Variants in SHCBP1L observed in about 807,000 individuals in gnomAD.
The protein encoded by SHCBP1L is SHC binding and spindle associated 1 like.
Under a neutral mutation model 62.5 loss-of-function variants are expected in SHCBP1L, and 67 were observed. The ratio of observed to expected loss-of-function variants is 1.07; its 90% CI spans 0.88 to 1.31. The LOEUF is 1.31. SHCBP1L is among the 40% of genes most tolerant of loss of function. The pLI is 0.00. For synonymous variants in SHCBP1L, 284 were observed against 289.4 expected (o/e 0.98, Z 0.19); for missense variants, 823 against 809.8 (o/e 1.02, Z -0.20).
In SHCBP1L at chr1:182,903,141, A is replaced by G. The variant is rs1378747041; in HGVS notation, c.1608T>C (p.Tyr536=). 6.3e-7 allele frequency: 1 copy of G among 1,597,982 alleles called. No individual in the cohort carries two copies. The highest frequency in any genetic ancestry group is 1.1e-5 in the South Asian group (1 of 88,148). ...TTTCCAAAATAGCTATGCTTCCAGG[A>G]TACAGTTCAACACCAGCACCCTGTA... is the stretch of plus-strand genomic sequence containing the variant. The part of the protein sequence containing the change: ...TGAQGAGVEL[Y]PGSIAILERN... The change falls in exon 9 of 10, where the codon TAT becomes TAC. Residue 536 remains tyrosine (Y), a synonymous_variant. Transcript: ENST00000367547.
At chr1:182,919,574 A>G (rs1650465496) in intron 6 of SHCBP1L, among the ~76,000 whole-genome samples, 1 of 152,162 alleles carries the variant, frequency 6.6e-6, no homozygotes, top group Non-Finnish European at 1.5e-5. Flanking sequence ...AATTTCCTCA[A>G]AGTTAAAAAC....
chr1:182,940,561 A>C lies in SHCBP1L; in HGVS notation c.556-18T>G. On this transcript the variant is annotated intron_variant, in intron 2 of 9. Coordinates refer to ENST00000367547, the MANE Select transcript of SHCBP1L (RefSeq NM_030933.4). ...CAAGTTACCTAAGATAAATATCATA[A>C]GAGATAAGAGATATAGTTATAAATA... The C allele has an allele frequency of 6.3e-7, 1 of 1,594,246 alleles. No homozygotes were observed. The highest frequency in any genetic ancestry group is 8.6e-7 in the Non-Finnish European group (1 of 1,164,898).
intron 6 of SHCBP1L, among the ~76,000 whole-genome samples, chr1:182,926,247 G>A (rs2101938788): frequency 6.6e-6 from 1 of 152,266 alleles, no homozygotes; most frequent in South Asian, 2.1e-4. Context: ...ATAACTGAGA[G>A]CACACTGTCT....
chr1:182,922,951 C>T (rs917128128), intron 6 of SHCBP1L, among the ~76,000 whole-genome samples: 6 of 152,024 alleles, frequency 3.9e-5, no homozygotes, highest in African/African-American at 7.2e-5. Context: ...AAAAGATCAA[C>T]AAAACCTTTG....
In SHCBP1L at chr1:182,929,626, TAAG is replaced by T; in HGVS notation, c.1182+18_1182+20del. 6.8e-7 allele frequency: 1 copy of T among 1,462,728 alleles called. No individual in the cohort carries two copies. The allele number at this position is 1,462,728 out of a possible 1,614,324, so 90.6% of individuals were successfully genotyped here. ...ACACAGCTAATACTTAAATAACAAA[TAAG>T]AATAGTTTATTTCTTACCATTTCAG... On this transcript the variant is annotated intron_variant, in intron 6 of 9. Transcript: ENST00000367547.
At chr1:182,936,309 T>A (rs28409372) in intron 5 of SHCBP1L, among the ~76,000 whole-genome samples, 1 of 151,964 alleles carries the variant, frequency 6.6e-6, no homozygotes, top group South Asian at 2.1e-4. Context: ...CTAATTTTTT[T>A]ATTTTTAGTA....
intron 9 of SHCBP1L, among the ~76,000 whole-genome samples, chr1:182,901,484 G>A (rs1649834761): frequency 6.6e-6 from 1 of 152,076 alleles, no homozygotes; most frequent in South Asian, 2.1e-4. Flanking sequence ...AGTGCTTCAG[G>A]TGAAGGTAAC....
At chr1:182,911,636 G>A (rs781518097) in intron 6 of SHCBP1L, among the ~76,000 whole-genome samples, 5 of 152,130 alleles carry the variant, frequency 3.3e-5, no homozygotes, top group Admixed American at 6.5e-5. Context: ...GGAGAACAAT[G>A]TCTGAACAAA....
chr1:182,923,943 A>G (rs957433396), intron 6 of SHCBP1L, among the ~76,000 whole-genome samples: 2 of 152,196 alleles, frequency 1.3e-5, no homozygotes, highest in Admixed American at 6.5e-5. Flanking sequence ...GGGAAGTCAA[A>G]TTATCTCTTT....
chr1:182,942,402 T>G (rs1651398264), intron 2 of SHCBP1L: 1 of 720,624 alleles, frequency 1.4e-6, no homozygotes, highest in Admixed American at 2.0e-5. Flanking sequence ...CTCTTGGGTA[T>G]CCTGGCGGCA....
At chr1:182,926,553 A>C (rs1401407283) in intron 6 of SHCBP1L, among the ~76,000 whole-genome samples, 2 of 152,220 alleles carry the variant, frequency 1.3e-5, no homozygotes, top group Non-Finnish European at 2.9e-5. Flanking sequence ...AGATGAGGAA[A>C]TAAGAGAAAC....
chr1:182,929,590 T>C, intron 6 of SHCBP1L, 57 bp downstream of exon 6: 2 of 1,198,120 alleles, frequency 1.7e-6, no homozygotes, highest in African/African-American at 3.2e-5. Context: ...GGGAGCTTCT[T>C]TTCCGATTAT....
At chr1:182,902,061 C>CTTTTTT (rs1156301250) in intron 9 of SHCBP1L, among the ~76,000 whole-genome samples, 1 of 127,576 alleles carries the variant, frequency 7.8e-6, no homozygotes, top group Non-Finnish European at 1.7e-5. Context: ...CTTTTTTTTT[C>CTTTTTT]TTTTTTTTTT....
rs1344712194 is a variant in SHCBP1L at position 182,924,974 on chromosome 1, G to GAAAGAAA, written c.1182+4672_1182+4673insTTTCTTT. Among the ~76,000 whole-genome samples, 10 of 109,578 alleles carry GAAAGAAA rather than the reference G, an allele frequency of 9.1e-5. No individual in the cohort carries two copies. The South Asian group carries it at 1.5e-3, about 16-fold the overall frequency. The allele number at this position is 109,578 out of a possible 152,430, so 71.9% of individuals were successfully genotyped here. ...AGAAAGAAAGAAAGAAAGAAAGAAAGAAAAAAAAAGGAAGAAGGAAAGGAA... is the reference window on the plus strand; with the variant it reads ...AGAAAGAAAGAAAGAAAGAAAGAAAGAAAGAAAAAAAAAAAAGGAAGAAGGAAAGGAA... On this transcript the variant is annotated intron_variant, in intron 6 of 9. Coordinates refer to ENST00000367547, the MANE Select transcript of SHCBP1L (RefSeq NM_030933.4).
rs1650756088 is a variant in SHCBP1L at position 182,926,616 on chromosome 1, A to G, written c.1182+3031T>C. On this transcript the variant is annotated intron_variant, in intron 6 of 9. Coordinates refer to ENST00000367547, the MANE Select transcript of SHCBP1L (RefSeq NM_030933.4). ...TATTAAGAAGCAAAACTGTGAATCA[A>G]ATCCAGGTTTTTATGATCTTAAAGT... Among the ~76,000 whole-genome samples the G allele has an allele frequency of 4.6e-5, 7 of 152,244 alleles. 1 individual carries two copies. In the South Asian group the frequency reaches 1.4e-3, roughly 32 times the overall value.
rs1432793279 is a variant in SHCBP1L, at chr1:182,952,393, T to C, written c.405+336A>G. On this transcript the variant is annotated intron_variant, in intron 1 of 9. Coordinates refer to ENST00000367547, the MANE Select transcript of SHCBP1L (RefSeq NM_030933.4). ...AAGTGATCTTACTCATGTTTGGACA[T>C]AAACTGTTAAATAAAGGTACCAAGA... 13 of 238,620 alleles carry C rather than the reference T, an allele frequency of 5.4e-5. No individual in the cohort carries two copies. In the East Asian group the frequency reaches 1.0e-3, roughly 19 times the overall value. The allele number at this position is 238,620 out of a possible 1,614,324, so 14.8% of individuals were successfully genotyped here. A position where few individuals can be genotyped will look rare whatever the true frequency, so the allele number is the denominator to read the frequency against.
At chr1:182,910,207 T>G (rs919193718) in intron 6 of SHCBP1L, among the ~76,000 whole-genome samples, 4 of 152,176 alleles carry the variant, frequency 2.6e-5, no homozygotes, top group Non-Finnish European at 5.9e-5. Flanking sequence ...CTCTAGAACC[T>G]AAATCAAACA....
chr1:182,952,600 A>G (rs1457687813), intron 1 of SHCBP1L, 129 bp downstream of exon 1: 1 of 1,087,280 alleles, frequency 9.2e-7, no homozygotes, highest in Admixed American at 3.1e-5. Flanking sequence ...GACTCCATTT[A>G]CTTTTTTGAA....
intron 1 of SHCBP1L, among the ~76,000 whole-genome samples, chr1:182,952,181 AAAAAAAAAAAATATATATATAT>A (rs1558007515): frequency 5.4e-4 from 24 of 44,220 alleles, no homozygotes; most frequent in African/African-American, 2.1e-3. Flanking sequence ...AAAAAAAAAA[AAAAAAAAAAAATATATATATAT>A]ATATATATAT....
Sources: allele counts gnomAD v4.1 joint callset (sites outside exome capture counted in the v4.1 genomes callset), GRCh38; gene constraint gnomAD v4.1.1; transcripts MANE v1.5; gene names NCBI Gene and HGNC (gene_info 2026-07-23, HGNC 2026-07-21).